The following COL23A1 variants were observed in gnomAD, a reference collection of about 807,000 sequenced individuals.
COL23A1 encodes the protein collagen alpha-1(XXIII) chain.
A neutral mutation model predicts 99.3 loss-of-function variants in COL23A1; 97 were observed. That is an observed-to-expected ratio of 0.98 (90% CI 0.83 to 1.16). The LOEUF (loss-of-function observed/expected upper bound fraction) is 1.16. COL23A1 is among the 50% of genes most tolerant of loss of function. COL23A1 has a pLI of 0.00. For synonymous variants in COL23A1, 320 were observed against 308.2 expected (o/e 1.04, Z -0.40); for missense variants, 762 against 757.4 (o/e 1.01, Z -0.07).
In COL23A1 at chr5:178,589,923, A is replaced by C; in HGVS notation, c.275T>G (p.Leu92Arg). Residue 92 changes from leucine to arginine, a missense_variant, in exon 1 of 29, where the codon CTG (leucine) becomes CGG (arginine). By Grantham distance (102) the Leu-to-Arg change is moderately radical. Coordinates refer to ENST00000390654, the MANE Select transcript of COL23A1 (RefSeq NM_173465.4). The surrounding 1 kb of genome is among the most constrained non-coding windows in gnomAD (Gnocchi z 5.4). ...GALDAWAEPH[L>R]ERLLREKLDG... is the part of the protein sequence containing the mutation. ...GCTCACCTCCCGCAGCAGGCGCTCC[A>C]GGTGCGGCTCGGCCCAGGCGTCCAG... 5 of 1,319,456 alleles carry C rather than the reference A, an allele frequency of 3.8e-6. No homozygotes were observed. The highest frequency in any genetic ancestry group is 4.8e-6 in the Non-Finnish European group (5 of 1,040,758). The allele number at this position is 1,319,456 out of a possible 1,614,324, so 81.7% of individuals were successfully genotyped here. A position where few individuals can be genotyped will look rare whatever the true frequency, so the allele number is the denominator to read the frequency against.
chr5:178,574,874 A>T (rs1200307275), intron 1 of COL23A1, among the ~76,000 whole-genome samples: 2 of 152,204 alleles, frequency 1.3e-5, no homozygotes, highest in Non-Finnish European at 2.9e-5. Flanking sequence ...ACTCCTGCTC[A>T]ATAGGAATCC....
At chr5:178,258,659 T>A (rs917800675) in intron 12 of COL23A1, among the ~76,000 whole-genome samples, 6 of 151,738 alleles carry the variant, frequency 4.0e-5, no homozygotes, top group Non-Finnish European at 7.4e-5. Context: ...CCTCCCAGAG[T>A]GCTGGGATTA....
chr5:178,521,367 C>T (rs909279086), intron 2 of COL23A1, among the ~76,000 whole-genome samples: 8 of 152,060 alleles, frequency 5.3e-5, no homozygotes, highest in African/African-American at 1.9e-4. Context: ...TCCTGGCTAA[C>T]ACGCTGAAAC....
chr5:178,581,929 G>A (rs1562110914), intron 1 of COL23A1, among the ~76,000 whole-genome samples: 1 of 152,142 alleles, frequency 6.6e-6, no homozygotes, highest in Non-Finnish European at 1.5e-5. Flanking sequence ...TCTACATGAT[G>A]GATGAGAAAG....
At chr5:178,506,065 G>A (rs73803492) in intron 2 of COL23A1, among the ~76,000 whole-genome samples, 2,454 of 152,286 alleles carry the variant, frequency 0.016, 79 homozygotes, top group African/African-American at 0.056. Context: ...CAGCAGAGCC[G>A]GTGAAGCACG....
chr5:178,578,076 C>T (rs1337546877), intron 1 of COL23A1, among the ~76,000 whole-genome samples: 2 of 151,576 alleles, frequency 1.3e-5, no homozygotes, highest in Non-Finnish European at 2.9e-5. Flanking sequence ...CACACACACT[C>T]ATGCACACAC....
At chr5:178,445,841 T>G (rs1182847139) in intron 2 of COL23A1, among the ~76,000 whole-genome samples, 1 of 152,012 alleles carries the variant, frequency 6.6e-6, no homozygotes, top group Non-Finnish European at 1.5e-5. Flanking sequence ...TAAGTGAAAT[T>G]GAAAGGCAGC....
intron 2 of COL23A1, among the ~76,000 whole-genome samples, chr5:178,487,288 T>TTTTTTTTTTTTATTTATTTA (rs773272887): frequency 5.2e-5 from 6 of 116,458 alleles, no homozygotes; most frequent in Non-Finnish European, 9.4e-5. Context: ...CCAGCCTCAG[T>TTTTTTTTTTTTATTTATTTA]TTTATTTATT....
At chr5:178,486,144 T>C (rs1020637095) in intron 2 of COL23A1, among the ~76,000 whole-genome samples, 65 of 152,364 alleles carry the variant, frequency 4.3e-4, no homozygotes, top group African/African-American at 1.4e-3. Flanking sequence ...CAGATTTGAC[T>C]CTTGTAAACT....
At chr5:178,343,485 C>T (rs1423557112) in intron 2 of COL23A1, among the ~76,000 whole-genome samples, 1 of 152,088 alleles carries the variant, frequency 6.6e-6, no homozygotes, top group Non-Finnish European at 1.5e-5. Context: ...AAGCCAAAAT[C>T]CAGCTACAGG....
chr5:178,317,963 C>T lies in COL23A1; in HGVS notation c.362-11044G>A, dbSNP rs539074681. Among the ~76,000 whole-genome samples the T allele has an allele frequency of 1.6e-3, 250 of 152,206 alleles. 1 individual carries two copies. Among genetic ancestry groups the T allele is most frequent in the African/African-American group, 5.1e-3 (213 of 41,516 alleles). Reference sequence around the variant, plus strand: ...AGGACAGTATGGGGAAAACCACCCCCGTGATTCAATTATCTCCCAATGAGT... The same window carrying T: ...AGGACAGTATGGGGAAAACCACCCCTGTGATTCAATTATCTCCCAATGAGT... On this transcript the variant is annotated intron_variant, in intron 2 of 28. Coordinates refer to ENST00000390654, the MANE Select transcript of COL23A1 (RefSeq NM_173465.4).
chr5:178,322,107 C>G (rs1759355783), intron 2 of COL23A1, among the ~76,000 whole-genome samples: 1 of 152,036 alleles, frequency 6.6e-6, no homozygotes, highest in Non-Finnish European at 1.5e-5. Flanking sequence ...ATTCTCCTGC[C>G]TCAGCCTCCC....
chr5:178,352,651 C>T (rs1397108338), intron 2 of COL23A1, among the ~76,000 whole-genome samples: 1 of 152,236 alleles, frequency 6.6e-6, no homozygotes, highest in African/African-American at 2.4e-5. Flanking sequence ...AAGGGCGATC[C>T]GTTTCTCGTG....
chr5:178,425,035 T>C (rs1180057447), intron 2 of COL23A1, among the ~76,000 whole-genome samples: 1 of 152,206 alleles, frequency 6.6e-6, no homozygotes, highest in Non-Finnish European at 1.5e-5. Context: ...TGACATGCCT[T>C]GGGGCATAGA....
At position 178,281,536 on chromosome 5, in the gene COL23A1, G is replaced by A. The variant is rs1368899008; in HGVS notation, c.441+6788C>T. Among the ~76,000 whole-genome samples the A allele has an allele frequency of 6.6e-6, 1 of 152,036 alleles. No homozygotes were observed. The highest frequency in any genetic ancestry group is 2.4e-5 in the African/African-American group (1 of 41,410). ...CAGAGGGGCTTGGGCACGGCGCTCC[G>A]GGGCCCAGGAGGTGCCGTGCGTGTG... On this transcript the variant is annotated intron_variant, in intron 5 of 28. Coordinates refer to ENST00000390654, the MANE Select transcript of COL23A1 (RefSeq NM_173465.4). This position sits in a 1 kb window ranked among gnomAD's most constrained non-coding sequence, Gnocchi z 4.0.
intron 2 of COL23A1, among the ~76,000 whole-genome samples, chr5:178,362,812 C>T (rs959414839): frequency 6.6e-5 from 10 of 152,254 alleles, no homozygotes; most frequent in South Asian, 2.1e-4. Flanking sequence ...AGAGGCTGCC[C>T]GATGGCACAG....
rs1276388959 is a variant in COL23A1 at position 178,373,053 on chromosome 5, C to T, written c.362-66134G>A. ...AAGCGATTCTCCTGCCTCAGCCTCC[C>T]GAGTACAGCTTCAGATTTCTGAGAA... On this transcript the variant is annotated intron_variant, in intron 2 of 28. Coordinates refer to ENST00000390654, the MANE Select transcript of COL23A1 (RefSeq NM_173465.4). Among the ~76,000 whole-genome samples, 4 of 152,096 alleles carry T rather than the reference C, an allele frequency of 2.6e-5. No homozygotes were observed. The East Asian group carries it at 5.8e-4, about 22-fold the overall frequency.
At chr5:178,525,124 G>A (rs1284896797) in intron 2 of COL23A1, among the ~76,000 whole-genome samples, 2 of 13,914 alleles carry the variant, frequency 1.4e-4, no homozygotes, top group African/African-American at 7.5e-4. Flanking sequence ...ACAGCGCGCA[G>A]ACCCCAGGAC....
In COL23A1 at chr5:178,534,444, G is replaced by C. The variant is rs947156264; in HGVS notation, c.361+26238C>G. ...CTGTCCATCACATGTTGTAAGGGAG[G>C]GGGCACTGGGCTCAGCCCCATCGCT... is the stretch of plus-strand genomic sequence containing the variant. On this transcript the variant is annotated intron_variant, in intron 2 of 28. Transcript: ENST00000390654. Among the ~76,000 whole-genome samples, 8 of 152,138 alleles carry C rather than the reference G, an allele frequency of 5.3e-5. 1 individual carries two copies. The highest frequency in any genetic ancestry group is 3.9e-4 in the East Asian group (2 of 5,186).
Sources: allele counts gnomAD v4.1 joint callset (sites outside exome capture counted in the v4.1 genomes callset), GRCh38; gene constraint gnomAD v4.1.1; non-coding constraint Gnocchi (gnomAD v3.1); transcripts MANE v1.5; gene names NCBI Gene and HGNC (gene_info 2026-07-23, HGNC 2026-07-21).